ZSCAN5A: variants seen among roughly 807,000 people sequenced by gnomAD.
The protein encoded by ZSCAN5A is zinc finger and SCAN domain-containing protein 5A.
A neutral mutation model predicts 23.7 loss-of-function variants in ZSCAN5A; 12 were observed. The ratio of observed to expected loss-of-function variants is 0.51; its 90% CI spans 0.32 to 0.82. ZSCAN5A has a LOEUF of 0.82. Among genes scored for constraint, ZSCAN5A ranks in the 40% least tolerant of loss-of-function variants. The pLI is 0.03. For synonymous variants in ZSCAN5A, 257 were observed against 239.9 expected (o/e 1.07, Z -0.66); for missense variants, 597 against 617.9 (o/e 0.97, Z 0.36).
chr19:56,248,262 C>CTCTTT (rs553885427), intron 2 of ZSCAN5A, among the ~76,000 whole-genome samples: 4 of 151,596 alleles, frequency 2.6e-5, no homozygotes, highest in African/African-American at 9.7e-5. Flanking sequence ...TCTTTTTCTT[C>CTCTTT]TCTTTTCTTT....
chr19:56,242,093 T>A (rs1398744180), intron 2 of ZSCAN5A, among the ~76,000 whole-genome samples: 1 of 152,216 alleles, frequency 6.6e-6, no homozygotes, highest in African/African-American at 2.4e-5. Flanking sequence ...TGTTGGACTT[T>A]CAATTTTCTG....
chr19:56,280,368 T>A (rs1015222624), intron 2 of ZSCAN5A, among the ~76,000 whole-genome samples: 2 of 152,202 alleles, frequency 1.3e-5, no homozygotes, highest in African/African-American at 4.8e-5. Flanking sequence ...CCACTCAGGT[T>A]GTTTTCAGTA....
At chr19:56,242,377 ATG>A in intron 2 of ZSCAN5A, among the ~76,000 whole-genome samples, 1 of 152,190 alleles carries the variant, frequency 6.6e-6, no homozygotes, top group Non-Finnish European at 1.5e-5. Flanking sequence ...CTAGCGGGTT[ATG>A]TGTTTTCTTG....
At position 56,244,437 on chromosome 19, in the gene ZSCAN5A, C is replaced by A. The variant is rs554447615; in HGVS notation, c.-127-19264G>T. 659 of 1,579,580 alleles carry A rather than the reference C, an allele frequency of 4.2e-4. 4 individuals carry two copies. Among genetic ancestry groups the A allele is most frequent in the Admixed American group, 2.4e-3 (143 of 58,818 alleles). ...AGACCCAAGAAATGGGTGAGTGGGA[C>A]CCTCGTGACTGGTGCAGGGAAGGGG... On this transcript the variant is annotated intron_variant, in intron 2 of 5. Coordinates refer to ENST00000683990, the MANE Select transcript of ZSCAN5A (RefSeq NM_001322064.3).
intron 2 of ZSCAN5A, among the ~76,000 whole-genome samples, chr19:56,250,240 T>G (rs2036244157): frequency 6.6e-6 from 1 of 152,172 alleles, no homozygotes; most frequent in Non-Finnish European, 1.5e-5. Context: ...CCCCAGACAA[T>G]TTTGAAACAT....
intron 2 of ZSCAN5A, chr19:56,320,860 C>T: frequency 1.3e-6 from 1 of 772,544 alleles, no homozygotes; most frequent in Non-Finnish European, 2.4e-6. Flanking sequence ...GTCCATAATC[C>T]TGGACAAGCT....
chr19:56,367,078 G>C (rs2041772801), intron 1 of ZSCAN5A, among the ~76,000 whole-genome samples: 2 of 152,176 alleles, frequency 1.3e-5, no homozygotes, highest in Non-Finnish European at 2.9e-5. Context: ...ATATTAAAGT[G>C]GCTGGCTGCA....
chr19:56,333,352 T>C (rs1330568726), intron 2 of ZSCAN5A, among the ~76,000 whole-genome samples: 2 of 151,654 alleles, frequency 1.3e-5, no homozygotes, highest in Non-Finnish European at 2.9e-5. Flanking sequence ...CTTTATTTTT[T>C]TTTTAATTCT....
At chr19:56,256,600 G>A (rs951509601) in intron 2 of ZSCAN5A, among the ~76,000 whole-genome samples, 2 of 152,208 alleles carry the variant, frequency 1.3e-5, no homozygotes, top group Admixed American at 1.3e-4. Context: ...CATATCCACA[G>A]ACACGTATTT....
chr19:56,278,899 T>G (rs1371737740), intron 2 of ZSCAN5A, among the ~76,000 whole-genome samples: 1 of 152,184 alleles, frequency 6.6e-6, no homozygotes, highest in Non-Finnish European at 1.5e-5. Flanking sequence ...CTCCACCTCT[T>G]GGCTTCAGCT....
intron 2 of ZSCAN5A, chr19:56,342,938 G>A: frequency 2.0e-6 from 2 of 1,024,590 alleles, no homozygotes; most frequent in African/African-American, 3.1e-5. Context: ...ATATAGCAGT[G>A]CACTTTGGTT....
intron 2 of ZSCAN5A, among the ~76,000 whole-genome samples, chr19:56,344,906 T>A (rs1600296118): frequency 1.6e-5 from 1 of 63,960 alleles, no homozygotes; most frequent in Non-Finnish European, 2.5e-5. Flanking sequence ...CGAGACTCCG[T>A]CTCAAAAAAA....
Position 56,225,047 on chromosome 19 carries a change from A to G in ZSCAN5A, c.-1T>C, listed in dbSNP as rs2033779915. ...ATGAGGATGTGCAATTTGCAGCCAT[A>G]TCTAGTGGAGAATTTTTTAATCAGT... is the stretch of plus-strand genomic sequence containing the variant. On this transcript the variant is annotated 5_prime_UTR_variant, in exon 3 of 6. Coordinates refer to ENST00000683990, the MANE Select transcript of ZSCAN5A (RefSeq NM_001322064.3). 1.3e-6 allele frequency: 2 copies of G among 1,579,694 alleles called. No individual in the cohort carries two copies. The highest frequency in any genetic ancestry group is 2.2e-5 in the East Asian group (1 of 44,476).
intron 2 of ZSCAN5A, among the ~76,000 whole-genome samples, chr19:56,325,857 G>T (rs2041427460): frequency 6.6e-6 from 1 of 152,044 alleles, no homozygotes; most frequent in Non-Finnish European, 1.5e-5. Flanking sequence ...AGTGCCTTTT[G>T]CCAGCTTTGA....
intron 2 of ZSCAN5A, chr19:56,274,904 C>G (rs982591061): frequency 6.6e-6 from 1 of 152,164 alleles, no homozygotes; most frequent in Non-Finnish European, 1.5e-5. Context: ...TTGTCTTTCA[C>G]GACCCTGAAA....
At chr19:56,281,001 T>G (rs2038653474) in intron 2 of ZSCAN5A, among the ~76,000 whole-genome samples, 1 of 152,204 alleles carries the variant, frequency 6.6e-6, no homozygotes, top group South Asian at 2.1e-4. Context: ...TCCCCAAAAC[T>G]TAACTACGAA....
chr19:56,225,948 T>C (rs1490223498), intron 2 of ZSCAN5A, among the ~76,000 whole-genome samples: 1 of 144,306 alleles, frequency 6.9e-6, no homozygotes, highest in Non-Finnish European at 1.5e-5. Flanking sequence ...GGATTTAAAG[T>C]CTAGTGCTCT....
At chr19:56,321,828 G>A (rs2041378949) in intron 2 of ZSCAN5A, 1 of 936,928 alleles carries the variant, frequency 1.1e-6, no homozygotes, top group East Asian at 2.4e-5. Context: ...TAAACTGGAA[G>A]CATGATAGGC....
At chr19:56,247,741 G>C (rs185600197) in intron 2 of ZSCAN5A, among the ~76,000 whole-genome samples, 8 of 152,080 alleles carry the variant, frequency 5.3e-5, no homozygotes, top group Middle Eastern at 3.2e-3. Flanking sequence ...ACCCAGGCTG[G>C]AGTGCAGTGG....
Sources: allele counts gnomAD v4.1 joint callset (sites outside exome capture counted in the v4.1 genomes callset), GRCh38; gene constraint gnomAD v4.1.1; transcripts MANE v1.5; gene names NCBI Gene and HGNC (gene_info 2026-07-23, HGNC 2026-07-21).